The following UNC5D variants were observed in gnomAD, a reference collection of about 807,000 sequenced individuals.
UNC5D encodes the protein netrin receptor UNC5D.
Under a neutral mutation model 105.4 loss-of-function variants are expected in UNC5D, and 39 were observed. The observed-to-expected ratio is 0.37, with a 90% CI of 0.29 to 0.48. UNC5D has a LOEUF of 0.48. Ranked by LOEUF, UNC5D falls within the 20% of genes least tolerant of loss-of-function variation. The pLI, the probability that UNC5D is intolerant of heterozygous loss-of-function variation, is 0.98. For missense variants in UNC5D, 991 were observed against 1,202.4 expected (o/e 0.82, Z 2.60); for synonymous variants, 452 against 450.4 (o/e 1.00, Z -0.04).
chr8:35,715,019 C>T (rs143138996), intron 8 of UNC5D, among the ~76,000 whole-genome samples: 208 of 152,228 alleles, frequency 1.4e-3, no homozygotes, highest in African/African-American at 4.5e-3. Flanking sequence ...AGTGTGGTGG[C>T]GCATGCCTGT....
intron 1 of UNC5D, among the ~76,000 whole-genome samples, chr8:35,393,352 C>A (rs35169691): frequency 0.47 from 70,811 of 149,138 alleles, 16,639 homozygotes; most frequent in East Asian, 0.69. Context: ...CCAGGATGGT[C>A]TCGATCTCCT....
At chr8:35,671,891 C>T (rs1456781900) in intron 4 of UNC5D, among the ~76,000 whole-genome samples, 1 of 151,934 alleles carries the variant, frequency 6.6e-6, no homozygotes, top group African/African-American at 2.4e-5. Flanking sequence ...ATGCTGTAAG[C>T]TGGTCTCCGA....
At chr8:35,507,108 T>G (rs908040712) in intron 1 of UNC5D, among the ~76,000 whole-genome samples, 6 of 130,994 alleles carry the variant, frequency 4.6e-5, no homozygotes, top group African/African-American at 1.8e-4. Context: ...CAGGCTGGAG[T>G]GCAGTGGCGG....
chr8:35,487,566 T>TACACACACACAC (rs3048025), intron 1 of UNC5D, among the ~76,000 whole-genome samples: 53 of 112,980 alleles, frequency 4.7e-4, no homozygotes, highest in African/African-American at 1.9e-3. Flanking sequence ...TCTCTCTCTG[T>TACACACACACAC]ACACACACAC....
chr8:35,465,504 C>A (rs916119169), intron 1 of UNC5D, among the ~76,000 whole-genome samples: 18 of 151,160 alleles, frequency 1.2e-4, no homozygotes, highest in Non-Finnish European at 1.5e-5. Flanking sequence ...CAAGACCCAA[C>A]CTCAAAAAAA....
intron 1 of UNC5D, among the ~76,000 whole-genome samples, chr8:35,520,381 A>AGACAGAGCCC (rs1813381725): frequency 2.0e-5 from 3 of 152,100 alleles, no homozygotes; most frequent in African/African-American, 7.2e-5. Flanking sequence ...CAGAAAATAG[A>AGACAGAGCCC]TTGATGGTTG....
rs141840806 is a variant in UNC5D, at chr8:35,596,228, A to G, written c.570+571A>G. Among the ~76,000 whole-genome samples the G allele has an allele frequency of 7.8e-3, 1,190 of 152,294 alleles. 26 individuals are homozygous for G. Among genetic ancestry groups the G allele is most frequent in the African/African-American group, 0.027 (1,123 of 41,556 alleles). ...CTTCACAGCGAGGTGTCTAGAATCC[A>G]GAGTCACAATGTTTTTTGCTTCTTG... On this transcript the variant is annotated intron_variant, in intron 4 of 16. Transcript: ENST00000404895.
At chr8:35,251,438 C>T (rs769725319) in intron 1 of UNC5D, among the ~76,000 whole-genome samples, 1 of 152,170 alleles carries the variant, frequency 6.6e-6, no homozygotes, top group Non-Finnish European at 1.5e-5. Flanking sequence ...ATTATGGGAA[C>T]TACAATTCAA....
chr8:35,593,829 C>T (rs1362221406), intron 3 of UNC5D, among the ~76,000 whole-genome samples: 1 of 152,136 alleles, frequency 6.6e-6, no homozygotes, highest in Non-Finnish European at 1.5e-5. Context: ...ATGTTAAAGT[C>T]ACTCTTGCTC....
At chr8:35,341,758 G>A (rs1390518480) in intron 1 of UNC5D, among the ~76,000 whole-genome samples, 1 of 152,042 alleles carries the variant, frequency 6.6e-6, no homozygotes, top group Non-Finnish European at 1.5e-5. Context: ...AATTAATAGT[G>A]AAACATGCAG....
chr8:35,566,506 C>T (rs1337973880), intron 2 of UNC5D, among the ~76,000 whole-genome samples: 2 of 152,154 alleles, frequency 1.3e-5, no homozygotes, highest in Non-Finnish European at 2.9e-5. Flanking sequence ...ACCTTATTGC[C>T]ACAATCAAGT....
chr8:35,596,157 G>A (rs993221011), intron 4 of UNC5D, among the ~76,000 whole-genome samples: 3 of 152,234 alleles, frequency 2.0e-5, no homozygotes, highest in Admixed American at 6.5e-5. Context: ...AGGCATTAGG[G>A]ATATAAAAAA....
rs1194842480 is a variant in UNC5D at position 35,792,976 on chromosome 8, T to G, written c.*2413T>G. On this transcript the variant is annotated 3_prime_UTR_variant, in exon 17 of 17. Transcript: ENST00000404895. ...GGAGTTACCTCCCATGGATTTTTTT[T>G]TCCTTTGGCCTGGGTTTTATAAACA... The G allele has an allele frequency of 8.8e-6, 4 of 453,370 alleles. No homozygotes were observed. The highest frequency in any genetic ancestry group is 1.8e-5 in the Non-Finnish European group (4 of 226,266). The allele number at this position is 453,370 out of a possible 1,614,324, so 28.1% of individuals were successfully genotyped here.
At chr8:35,309,331 G>C (rs1174836754) in intron 1 of UNC5D, among the ~76,000 whole-genome samples, 1 of 152,098 alleles carries the variant, frequency 6.6e-6, no homozygotes, top group African/African-American at 2.4e-5. Context: ...GCAACACTGA[G>C]GTACAGGAGA....
At chr8:35,271,071 G>C (rs1394434541) in intron 1 of UNC5D, among the ~76,000 whole-genome samples, 1 of 151,460 alleles carries the variant, frequency 6.6e-6, no homozygotes, top group Non-Finnish European at 1.5e-5. Context: ...TTTTAAGAGA[G>C]ATTAATGAAT....
At chr8:35,396,533 G>T (rs151265408) in intron 1 of UNC5D, among the ~76,000 whole-genome samples, 2,165 of 151,130 alleles carry the variant, frequency 0.014, 25 homozygotes, top group South Asian at 0.05. Context: ...AACCTCCCTC[G>T]GTCTCCCAGG....
At chr8:35,782,071 G>C (rs932480747) in intron 16 of UNC5D, among the ~76,000 whole-genome samples, 1 of 152,168 alleles carries the variant, frequency 6.6e-6, no homozygotes, top group Non-Finnish European at 1.5e-5. Context: ...AAGATACTGG[G>C]GGACAGCAGG....
intron 1 of UNC5D, among the ~76,000 whole-genome samples, chr8:35,439,217 A>G (rs921247033): frequency 6.6e-6 from 1 of 151,938 alleles, no homozygotes; most frequent in East Asian, 1.9e-4. Context: ...TCTCATCATC[A>G]TGTCTGTGTA....
chr8:35,540,229 C>G (rs142731608), intron 1 of UNC5D, among the ~76,000 whole-genome samples: 2 of 152,232 alleles, frequency 1.3e-5, no homozygotes, highest in African/African-American at 4.8e-5. Context: ...AACTCCATCT[C>G]CATATTCTCA....
Sources: gnomAD v4.1 joint callset for allele counts (sites outside exome capture counted in the v4.1 genomes callset) on GRCh38, gnomAD v4.1.1 for gene constraint, MANE v1.5 for transcripts, NCBI Gene and HGNC (gene_info 2026-07-23, HGNC 2026-07-21) for gene names.